The following GSN variants were observed in gnomAD, a reference collection of about 807,000 sequenced individuals.
GSN encodes the protein actin-depolymerizing factor.
A neutral mutation model predicts 85.7 loss-of-function variants in GSN; 56 were observed. That is an observed-to-expected ratio of 0.65 (90% CI 0.53 to 0.82). The LOEUF is 0.82. GSN is among the 40% of genes least tolerant of loss of function. The pLI is 0.00. For synonymous variants in GSN, 373 were observed against 399.1 expected (o/e 0.93, Z 0.78); for missense variants, 857 against 979.8 (o/e 0.87, Z 1.67).
chr9:121,286,597 C>T (rs1403100120), intron 2 of GSN: 6 of 1,496,916 alleles, frequency 4.0e-6, no homozygotes, highest in Admixed American at 4.2e-5. Context: ...CCTTTGTGCT[C>T]CCAGGGCCCA....
chr9:121,208,335 C>T (rs1246339432), intron 1 of GSN, among the ~76,000 whole-genome samples: 1 of 152,160 alleles, frequency 6.6e-6, no homozygotes, highest in African/African-American at 2.4e-5. Context: ...AGCCCTGAAC[C>T]CCTTCCCCAG....
In GSN at chr9:121,329,301, G is replaced by A; in HGVS notation, c.1951G>A (p.Asp651Asn). The A allele has an allele frequency of 6.2e-7, 1 of 1,602,560 alleles. No homozygotes were observed. Among genetic ancestry groups the A allele is most frequent in the Non-Finnish European group, 8.6e-7 (1 of 1,169,446 alleles). Reference protein sequence around the residue: ...DLATDDVMLLDTWDQVFVWVG... With the variant: ...DLATDDVMLLNTWDQVFVWVG... ...GGCAACGGATGACGTCATGCTTCTGGACACCTGGGACCAGGTGGGTGAAGG... is the reference window on the plus strand; with the variant it reads ...GGCAACGGATGACGTCATGCTTCTGAACACCTGGGACCAGGTGGGTGAAGG... The change falls in exon 16 of 18, where the codon GAC becomes AAC. Residue 651 changes from aspartate to asparagine, a missense_variant. By Grantham distance (23) the Asp-to-Asn change is conservative. Coordinates refer to ENST00000432226, the MANE Select transcript of GSN (RefSeq NM_198252.3). The surrounding 1 kb of genome is among the most constrained non-coding windows in gnomAD (Gnocchi z 4.6).
At chr9:121,289,065 A>G (rs2058423175) in intron 2 of GSN, among the ~76,000 whole-genome samples, 1 of 151,976 alleles carries the variant, frequency 6.6e-6, no homozygotes, top group Non-Finnish European at 1.5e-5. Flanking sequence ...CCACAGTGGG[A>G]CCCTTTGTCA....
At chr9:121,297,822 C>T (rs2059360002) in intron 2 of GSN, 1 of 152,142 alleles carries the variant, frequency 6.6e-6, no homozygotes, top group Non-Finnish European at 1.5e-5. Flanking sequence ...CATCCTTGCA[C>T]ATATATTTTT....
At chr9:121,248,023 C>T (rs528980448) in intron 5 of GSN, among the ~76,000 whole-genome samples, 6 of 152,266 alleles carry the variant, frequency 3.9e-5, no homozygotes, top group African/African-American at 1.4e-4. Context: ...GGTGCTTCCA[C>T]ATTCTCTCCT....
chr9:121,276,538 C>A (rs1220667939), intron 1 of GSN, among the ~76,000 whole-genome samples: 1 of 152,078 alleles, frequency 6.6e-6, no homozygotes, highest in Non-Finnish European at 1.5e-5. Flanking sequence ...GCATAGCGCA[C>A]CCCCCCGACT....
Position 121,318,803 on chromosome 9 carries a change from G to A in GSN, c.1114G>A (p.Asp372Asn), listed in dbSNP as rs200018246. 9 of 1,614,140 alleles carry A rather than the reference G, an allele frequency of 5.6e-6. No homozygotes were observed. Among genetic ancestry groups the A allele is most frequent in the Admixed American group, 5.0e-5 (3 of 60,036 alleles). ...HIANVERVPF[D>N]AATLHTSTAM... Reference sequence around the variant, plus strand: ...CGCCAACGTGGAGCGGGTGCCCTTCGACGCCGCCACCCTGCACACCTCCAC... The same window carrying A: ...CGCCAACGTGGAGCGGGTGCCCTTCAACGCCGCCACCCTGCACACCTCCAC... Residue 372 changes from aspartate (D) to asparagine (N), a missense_variant, in exon 10 of 18, where the codon GAC becomes AAC. By Grantham distance (23) the Asp-to-Asn change is conservative. Transcript: ENST00000432226. This position sits in a 1 kb window ranked among gnomAD's most constrained non-coding sequence, Gnocchi z 4.3.
intron 2 of GSN, chr9:121,300,091 T>G: frequency 6.2e-7 from 1 of 1,611,360 alleles, no homozygotes; most frequent in South Asian, 1.1e-5. Context: ...AGGGGAGTAA[T>G]TCAGGTCTAG....
chr9:121,327,653 G>C (rs573306110), intron 14 of GSN, among the ~76,000 whole-genome samples, 171 bp downstream of exon 14: 1 of 152,344 alleles, frequency 6.6e-6, no homozygotes, highest in East Asian at 1.9e-4. Context: ...TGTGGCCAGA[G>C]AGAGGGAGGT....
Position 121,313,756 on chromosome 9 carries a change from C to A in GSN, c.664-178C>A, listed in dbSNP as rs1180591323. On this transcript the variant is annotated intron_variant, in intron 6 of 17. Coordinates refer to ENST00000432226, the MANE Select transcript of GSN (RefSeq NM_198252.3). ...AGTCAGGGAGACAAGGTGGAAGGGACCTCTGATGGACAGATCTGGACATGT... is the reference window on the plus strand; with the variant it reads ...AGTCAGGGAGACAAGGTGGAAGGGAACTCTGATGGACAGATCTGGACATGT... The A allele has an allele frequency of 1.2e-5, 8 of 643,376 alleles. No homozygotes were observed. In the East Asian group the frequency reaches 1.9e-4, roughly 15 times the overall value. The allele number at this position is 643,376 out of a possible 1,614,324, so 39.9% of individuals were successfully genotyped here. A position where few individuals can be genotyped will look rare whatever the true frequency, so the allele number is the denominator to read the frequency against.
rs1480030785 is a variant in GSN, at chr9:121,318,748, C to T, written c.1059C>T (p.Gly353=). ...KNWRDPDQTD[G]LGLSYLSSHI... Reference sequence around the variant, plus strand: ...GGCGGGACCCAGACCAGACAGATGGCCTGGGCTTGTCCTACCTTTCCAGCC... The same window carrying T: ...GGCGGGACCCAGACCAGACAGATGGTCTGGGCTTGTCCTACCTTTCCAGCC... Residue 353 remains glycine, a synonymous_variant, in exon 10 of 18, where the codon GGC becomes GGT. Coordinates refer to ENST00000432226, the MANE Select transcript of GSN (RefSeq NM_198252.3). This position sits in a 1 kb window ranked among gnomAD's most constrained non-coding sequence, Gnocchi z 4.3. 6.2e-7 allele frequency: 1 copy of T among 1,613,136 alleles called. No individual in the cohort carries two copies. The highest frequency in any genetic ancestry group is 8.5e-7 in the Non-Finnish European group (1 of 1,179,280).
rs1588927045 is a variant in GSN at position 121,299,954 on chromosome 9, G to A, written c.-9-2009G>A. ...TGCCCGTCCGCGCGGCCACTGCGTC[G>A]CGGGGGGCGTCCCAGGCGGGGGCGC... is the stretch of plus-strand genomic sequence containing the variant. On this transcript the variant is annotated intron_variant, in intron 2 of 17. Coordinates refer to ENST00000432226, the MANE Select transcript of GSN (RefSeq NM_198252.3). This position sits in a 1 kb window ranked among gnomAD's most constrained non-coding sequence, Gnocchi z 4.2. 1.6e-6 allele frequency: 2 copies of A among 1,271,102 alleles called. No individual in the cohort carries two copies. Among genetic ancestry groups the A allele is most frequent in the Non-Finnish European group, 2.0e-6 (2 of 1,007,150 alleles). The allele number at this position is 1,271,102 out of a possible 1,614,324, so 78.7% of individuals were successfully genotyped here. A position where few individuals can be genotyped will look rare whatever the true frequency, so the allele number is the denominator to read the frequency against.
At chr9:121,300,041 ACT>A in intron 2 of GSN, 8 of 1,563,108 alleles carry the variant, frequency 5.1e-6, no homozygotes, top group Admixed American at 1.8e-5. Context: ...TCCCGGAGTA[ACT>A]CTCTATTGTA....
At chr9:121,314,641 A>T (rs2061521528) in intron 7 of GSN, among the ~76,000 whole-genome samples, 2 of 152,354 alleles carry the variant, frequency 1.3e-5, no homozygotes, top group South Asian at 4.1e-4. Context: ...TCTGATTATG[A>T]AGTAATACAT....
At chr9:121,225,240 A>G (rs1356664869) in intron 4 of GSN, among the ~76,000 whole-genome samples, 2 of 151,528 alleles carry the variant, frequency 1.3e-5, no homozygotes, top group Admixed American at 1.3e-4. Context: ...AAAATGCTTT[A>G]AAATGTCTAC....
At chr9:121,255,488 A>C (rs951709437) in intron 6 of GSN, among the ~76,000 whole-genome samples, 34 of 152,150 alleles carry the variant, frequency 2.2e-4, no homozygotes, top group African/African-American at 8.2e-4. Context: ...CTCCCACCTC[A>C]GTCTCCCAAA....
At chr9:121,201,678 A>AG in the GSN span, 7 of 150,276 alleles carry the variant, frequency 4.7e-5, no homozygotes, top group Non-Finnish European at 7.4e-5. Flanking sequence ...TCCGGGCGGG[A>AG]GGGGGGCGTC....
At chr9:121,208,050 G>A (rs2053913850) in intron 1 of GSN, among the ~76,000 whole-genome samples, 1 of 151,960 alleles carries the variant, frequency 6.6e-6, no homozygotes, top group Admixed American at 6.6e-5. Context: ...GCCTCCCAAA[G>A]TGCTGGGATT....
At chr9:121,235,783 A>ACCCTAAACACAAGCAAGGCTGGC in intron 5 of GSN, among the ~76,000 whole-genome samples, 1 of 152,264 alleles carries the variant, frequency 6.6e-6, no homozygotes, top group South Asian at 2.1e-4. Flanking sequence ...GCACCTGGCC[A>ACCCTAAACACAAGCAAGGCTGGC]CCCTAAACAC....
Sources: allele counts gnomAD v4.1 joint callset (sites outside exome capture counted in the v4.1 genomes callset), GRCh38; gene constraint gnomAD v4.1.1; non-coding constraint Gnocchi (gnomAD v3.1); transcripts MANE v1.5; gene names NCBI Gene and HGNC (gene_info 2026-07-23, HGNC 2026-07-21).